Variants in MRC1 observed in about 807,000 individuals in gnomAD.
The protein encoded by MRC1 is mannose receptor C-type 1.
In MRC1, 62 loss-of-function variants were observed where a neutral mutation model predicts 102.9. The observed-to-expected ratio is 0.60, with a 90% CI of 0.49 to 0.74. MRC1 has a LOEUF of 0.74. Among genes scored for constraint, MRC1 ranks in the 30% least tolerant of loss-of-function variants. MRC1 has a pLI of 0.00. For missense variants in MRC1, 1,237 were observed against 862.8 expected (o/e 1.43, Z -5.43); for synonymous variants, 457 against 298.4 (o/e 1.53, Z -5.48).
At chr10:17,821,420 A>G (rs2130587657) in intron 1 of MRC1, among the ~76,000 whole-genome samples, 1 of 152,280 alleles carries the variant, frequency 6.6e-6, no homozygotes, top group East Asian at 1.9e-4. Context: ...AATATACTGC[A>G]GTGGTTAATT....
At chr10:17,827,423 T>C (rs1020847306) in intron 2 of MRC1, 119 bp from the exon 3 acceptor site, 8 of 442,526 alleles carry the variant, frequency 1.8e-5, no homozygotes, top group Middle Eastern at 1.4e-3. Flanking sequence ...AATCCCTCTG[T>C]GGGTGCATCA....
At chr10:17,900,408 T>G (rs1833813625) in intron 24 of MRC1, among the ~76,000 whole-genome samples, 1 of 152,122 alleles carries the variant, frequency 6.6e-6, no homozygotes, top group East Asian at 1.9e-4. Flanking sequence ...GAAAATTACT[T>G]AATTTTTATT....
intron 17 of MRC1, among the ~76,000 whole-genome samples, chr10:17,875,493 C>T (rs983998792): frequency 1.3e-5 from 2 of 152,192 alleles, no homozygotes; most frequent in South Asian, 2.1e-4. Flanking sequence ...TTAGCTTCCA[C>T]TTATGAGTGA....
chr10:17,821,732 T>C (rs1166182751), intron 1 of MRC1, among the ~76,000 whole-genome samples: 2 of 152,146 alleles, frequency 1.3e-5, no homozygotes, highest in South Asian at 2.1e-4. Flanking sequence ...GGATATAGAA[T>C]ACAGCTTGCA....
intron 22 of MRC1, among the ~76,000 whole-genome samples, chr10:17,886,852 G>GCATTTATC (rs1833603927): frequency 6.6e-6 from 1 of 152,192 alleles, no homozygotes; most frequent in South Asian, 2.1e-4. Context: ...TTTGAATACA[G>GCATTTATC]CAGGAGTTTT....
At position 17,910,451 on chromosome 10, in the gene MRC1, C is replaced by A; in HGVS notation, c.4357C>A (p.His1453Asn). The A allele has an allele frequency of 1.3e-6, 1 of 780,760 alleles. No individual in the cohort carries two copies. The highest frequency in any genetic ancestry group is 2.4e-6 in the Non-Finnish European group (1 of 417,926). The allele number at this position is 780,760 out of a possible 1,614,324, so 48.4% of individuals were successfully genotyped here. ...CGTGGGCAATATTGAACAGAATGAA[C>A]ACTCGGTCATCTAGTACCTCAATGC... ...DLVGNIEQNEHSVI is the reference protein window; with the variant it reads ...DLVGNIEQNENSVI The change falls in exon 30 of 30, where the codon CAC (histidine) becomes AAC (asparagine). Residue 1453 changes from histidine (H) to asparagine (N), a missense_variant. Physicochemically the swap from His to Asn is moderately conservative, Grantham distance 68 (BLOSUM62 1). Transcript: ENST00000569591.
chr10:17,833,443 C>T lies in MRC1; in HGVS notation c.638-232C>T, dbSNP rs951482533. Among the ~76,000 whole-genome samples the T allele has an allele frequency of 3.5e-4, 52 of 149,294 alleles. 1 individual carries two copies. In the East Asian group the frequency reaches 8.7e-3, roughly 25 times the overall value. On this transcript the variant is annotated intron_variant, in intron 3 of 29. Transcript: ENST00000569591. ...AACTGAGGTGGGAAGATTGTTTAAC[C>T]TCAAGAGTTGGAGAGTACAGTGAGC...
At chr10:17,813,085 C>T (rs1202474010) in intron 1 of MRC1, among the ~76,000 whole-genome samples, 2 of 152,162 alleles carry the variant, frequency 1.3e-5, no homozygotes, top group African/African-American at 4.8e-5. Context: ...TGCATTTTGA[C>T]ATCATCATTT....
chr10:17,849,892 G>T (rs1244303248), intron 7 of MRC1, 128 bp downstream of exon 7: 5 of 594,738 alleles, frequency 8.4e-6, no homozygotes, highest in Admixed American at 5.4e-5. Context: ...AACGAACAAC[G>T]TATGAATTTA....
Position 17,833,341 on chromosome 10 carries a change from A to T in MRC1, c.638-334A>T, listed in dbSNP as rs1466002765. 5.3e-5 allele frequency among the ~76,000 whole-genome samples: 8 copies of T among 152,000 alleles called. No individual in the cohort carries two copies. In the East Asian group the frequency reaches 1.6e-3, roughly 30 times the overall value. ...TTTTAGACTAGCCTGGGCCACATAG[A>T]GAGACTACATTTCTGCAAAAAGTTA... is the stretch of plus-strand genomic sequence containing the variant. On this transcript the variant is annotated intron_variant, in intron 3 of 29. Coordinates refer to ENST00000569591, the MANE Select transcript of MRC1 (RefSeq NM_002438.4).
chr10:17,874,072 T>C (rs1833392250), intron 16 of MRC1, among the ~76,000 whole-genome samples: 1 of 152,192 alleles, frequency 6.6e-6, no homozygotes. Context: ...GGTTCCTTCT[T>C]CTTTAGCACA....
intron 16 of MRC1, among the ~76,000 whole-genome samples, chr10:17,874,054 A>G (rs1341269682): frequency 6.6e-6 from 1 of 152,228 alleles, no homozygotes; most frequent in Admixed American, 6.5e-5. Flanking sequence ...ATCAATTCCA[A>G]GGTCCCAGGT....
intron 22 of MRC1, among the ~76,000 whole-genome samples, chr10:17,892,424 A>G (rs1833692152): frequency 6.6e-6 from 1 of 152,136 alleles, no homozygotes; most frequent in Admixed American, 6.5e-5. Flanking sequence ...GCTCTGGTCA[A>G]TTCTTATTCC....
chr10:17,832,055 A>G (rs1838582311), intron 3 of MRC1, among the ~76,000 whole-genome samples: 1 of 151,580 alleles, frequency 6.6e-6, no homozygotes, highest in African/African-American at 2.4e-5. Flanking sequence ...AAAAGTTAAT[A>G]ATTTATCTGA....
At chr10:17,875,441 A>C (rs975018785) in intron 17 of MRC1, among the ~76,000 whole-genome samples, 188 bp downstream of exon 17, 5 of 152,160 alleles carry the variant, frequency 3.3e-5, no homozygotes, top group African/African-American at 4.8e-5. Context: ...CTGCATCCCC[A>C]AAGTCCATTG....
Position 17,870,889 on chromosome 10 carries a change from C to CA in MRC1, c.2154dup (p.Tyr719IlefsTer12), listed in dbSNP as rs1833345572. The CA allele has an allele frequency of 1.1e-6, 1 of 872,318 alleles. No individual in the cohort carries two copies. Among genetic ancestry groups the CA allele is most frequent in the Admixed American group, 1.7e-5 (1 of 59,146 alleles). 54.0% of individuals were successfully genotyped at this position (872,318 alleles called of 1,614,324 possible). ...CACAAACTGTTTTGGTTGGGATTGA[C>CA]ATATGGAAGCCCTTCAGAAGGTTTT... On this transcript the variant is annotated frameshift_variant, in exon 14 of 30. Transcript: ENST00000569591. LOFTEE classifies it high-confidence loss of function.
At chr10:17,847,035 C>A (rs1838836130) in intron 6 of MRC1, among the ~76,000 whole-genome samples, 1 of 152,030 alleles carries the variant, frequency 6.6e-6, no homozygotes, top group Admixed American at 6.6e-5. Flanking sequence ...AGATGCGGGA[C>A]CTGGATGTTG....
At chr10:17,817,014 G>A (rs1168619956) in intron 1 of MRC1, among the ~76,000 whole-genome samples, 6 of 152,106 alleles carry the variant, frequency 3.9e-5, no homozygotes, top group Middle Eastern at 3.4e-3. Flanking sequence ...TTGGGAGGCC[G>A]GGGCAGGTGG....
rs1289966405 is a variant in MRC1, at chr10:17,870,332, C to T, written c.2070C>T (p.Ile690=). 1.3e-5 allele frequency: 10 copies of T among 780,356 alleles called. No individual in the cohort carries two copies. Among genetic ancestry groups the T allele is most frequent in the Non-Finnish European group, 2.2e-5 (9 of 417,698 alleles). The allele number at this position is 780,356 out of a possible 1,614,324, so 48.3% of individuals were successfully genotyped here. Reference sequence around the variant, plus strand: ...CTCTGGGTGGAGACTTAGCTAGCATCAATAACAAAGAGGAACAGCAAACAA... The same window carrying T: ...CTCTGGGTGGAGACTTAGCTAGCATTAATAACAAAGAGGAACAGCAAACAA... ...CRALGGDLAS[I]NNKEEQQTIW... is the part of the protein sequence containing the mutation. Residue 690 remains isoleucine, a synonymous_variant, in exon 13 of 30, where the codon ATC becomes ATT. Transcript: ENST00000569591.
Sources: gnomAD v4.1 joint callset for allele counts (sites outside exome capture counted in the v4.1 genomes callset) on GRCh38, gnomAD v4.1.1 for gene constraint, MANE v1.5 for transcripts, NCBI Gene and HGNC (gene_info 2026-07-23, HGNC 2026-07-21) for gene names.